SNTG1: variants seen among roughly 807,000 people sequenced by gnomAD.
The protein encoded by SNTG1 is gamma-1-syntrophin.
In SNTG1, 39 loss-of-function variants were observed where a neutral mutation model predicts 74.7. The observed-to-expected ratio is 0.52, with a 90% CI of 0.40 to 0.68. The LOEUF is 0.68. SNTG1 is among the 30% of genes least tolerant of loss of function. The pLI, the probability that SNTG1 is intolerant of heterozygous loss-of-function variation, is 0.00. For synonymous variants in SNTG1, 254 were observed against 217.1 expected (o/e 1.17, Z -1.49); for missense variants, 685 against 609.5 (o/e 1.12, Z -1.30).
intron 1 of SNTG1, among the ~76,000 whole-genome samples, chr8:50,057,710 T>C (rs1820142371): frequency 6.6e-6 from 1 of 152,122 alleles, no homozygotes; most frequent in African/African-American, 2.4e-5. Context: ...CCTCTGTCTT[T>C]AGAGTCTACA....
rs138434958 is a variant in SNTG1 at position 50,247,133 on chromosome 8, C to T, written c.-28+74498C>T. ...CTGATCTTAGTCATTGGTCCTTTTC[C>T]ATTAGGGAACGAACAAGATGAATAT... is the stretch of plus-strand genomic sequence containing the variant. On this transcript the variant is annotated intron_variant, in intron 2 of 18. Coordinates refer to ENST00000642720, the MANE Select transcript of SNTG1 (RefSeq NM_018967.5). Among the ~76,000 whole-genome samples the T allele has an allele frequency of 1.7e-3, 256 of 152,212 alleles. 7 individuals are homozygous for T. Among genetic ancestry groups the T allele is most frequent in the Admixed American group, 0.013 (199 of 15,272 alleles).
intron 13 of SNTG1, among the ~76,000 whole-genome samples, chr8:50,623,695 T>C (rs933995565): frequency 6.6e-6 from 1 of 152,002 alleles, no homozygotes; most frequent in African/African-American, 2.4e-5. Flanking sequence ...AAATATTTGT[T>C]TTTATATATT....
intron 1 of SNTG1, among the ~76,000 whole-genome samples, chr8:49,947,316 T>C (rs1454606419): frequency 6.6e-6 from 1 of 152,068 alleles, no homozygotes; most frequent in Non-Finnish European, 1.5e-5. Flanking sequence ...AAAAGAGTAA[T>C]TTCTGTCCTC....
intron 12 of SNTG1, among the ~76,000 whole-genome samples, chr8:50,569,537 CAAACAAAAAACA>C (rs1206842899): frequency 6.8e-6 from 1 of 146,040 alleles, no homozygotes; most frequent in African/African-American, 2.6e-5. Flanking sequence ...AAACAAAAAA[CAAACAAAAAACA>C]AAAAAAAAAC....
chr8:50,675,504 T>C (rs1411823981), intron 15 of SNTG1, among the ~76,000 whole-genome samples: 1 of 151,900 alleles, frequency 6.6e-6, no homozygotes, highest in African/African-American at 2.4e-5. Context: ...TTTTTCCATC[T>C]CCTTGGTAAA....
At chr8:50,290,706 A>G (rs1237470413) in intron 2 of SNTG1, among the ~76,000 whole-genome samples, 1 of 152,138 alleles carries the variant, frequency 6.6e-6, no homozygotes, top group African/African-American at 2.4e-5. Context: ...TCATATTAAT[A>G]ATAACTGTAC....
chr8:50,463,666 A>G (rs573817086), intron 8 of SNTG1, among the ~76,000 whole-genome samples: 1 of 152,280 alleles, frequency 6.6e-6, no homozygotes, highest in Non-Finnish European at 1.5e-5. Flanking sequence ...TTCCTAGAGT[A>G]CAGGTAGAGT....
At chr8:50,536,019 C>A (rs912243010) in intron 10 of SNTG1, among the ~76,000 whole-genome samples, 1 of 152,028 alleles carries the variant, frequency 6.6e-6, no homozygotes, top group Non-Finnish European at 1.5e-5. Flanking sequence ...ATATTAGTCT[C>A]CTCTATATAT....
chr8:50,295,697 C>CT (rs955268394), intron 2 of SNTG1, among the ~76,000 whole-genome samples: 67 of 152,248 alleles, frequency 4.4e-4, no homozygotes, highest in African/African-American at 1.4e-3. Flanking sequence ...TTTAGTTGTT[C>CT]TTTAACTGCC....
intron 12 of SNTG1, among the ~76,000 whole-genome samples, chr8:50,571,647 T>G (rs1356309380): frequency 6.6e-6 from 1 of 152,142 alleles, no homozygotes; most frequent in Non-Finnish European, 1.5e-5. Context: ...CCTAATCAAT[T>G]GTTAACATGT....
At chr8:50,428,996 C>T (rs747110710) in intron 4 of SNTG1, among the ~76,000 whole-genome samples, 1 of 151,722 alleles carries the variant, frequency 6.6e-6, no homozygotes, top group Non-Finnish European at 1.5e-5. Flanking sequence ...TAAACAGAGC[C>T]TAAATAAATG....
At chr8:49,976,301 G>T (rs1347151775) in intron 1 of SNTG1, among the ~76,000 whole-genome samples, 1 of 152,188 alleles carries the variant, frequency 6.6e-6, no homozygotes, top group East Asian at 1.9e-4. Context: ...AATTATATTA[G>T]TTAAGTGCCT....
intron 1 of SNTG1, among the ~76,000 whole-genome samples, chr8:50,138,754 G>A (rs1310051967): frequency 6.6e-6 from 1 of 151,560 alleles, no homozygotes; most frequent in African/African-American, 2.4e-5. Context: ...AGGCAGTTGT[G>A]TTTTTTCCCA....
At chr8:50,358,622 T>C (rs903094709) in intron 2 of SNTG1, among the ~76,000 whole-genome samples, 24 of 152,348 alleles carry the variant, frequency 1.6e-4, no homozygotes, top group African/African-American at 5.5e-4. Context: ...TCAAGAAGTG[T>C]CTAATGATTA....
chr8:50,183,958 C>T (rs959133245), intron 2 of SNTG1, among the ~76,000 whole-genome samples: 7 of 152,134 alleles, frequency 4.6e-5, no homozygotes, highest in African/African-American at 9.7e-5. Flanking sequence ...CATTTATTCC[C>T]GTATCCCTTC....
intron 17 of SNTG1, among the ~76,000 whole-genome samples, chr8:50,711,998 A>T (rs1452403780): frequency 6.6e-6 from 1 of 152,256 alleles, no homozygotes; most frequent in African/African-American, 2.4e-5. Flanking sequence ...ATATTCTTTT[A>T]AAAATGTATA....
intron 1 of SNTG1, among the ~76,000 whole-genome samples, chr8:50,027,675 G>T (rs988558270): frequency 2.0e-5 from 3 of 152,114 alleles, no homozygotes; most frequent in African/African-American, 7.2e-5. Flanking sequence ...TAGACTTTTA[G>T]CCTTCCTTAC....
In SNTG1 at chr8:50,711,647, TTCTCA is replaced by T. The variant is rs558435356; in HGVS notation, c.1284+2671_1284+2675del. On this transcript the variant is annotated intron_variant, in intron 17 of 18. Transcript: ENST00000642720. ...GGGATGTCTGGGAATGTCGAGCTAA[TTCTCA>T]TTACTTACCACCTGTGCTTGGAAGT... 3.0e-3 allele frequency among the ~76,000 whole-genome samples: 450 copies of T among 152,306 alleles called. 3 individuals are homozygous for T. Among genetic ancestry groups the T allele is most frequent in the African/African-American group, 0.01 (435 of 41,580 alleles).
chr8:49,978,265 C>T (rs1008281256), intron 1 of SNTG1, among the ~76,000 whole-genome samples: 1 of 149,600 alleles, frequency 6.7e-6, no homozygotes, highest in African/African-American at 2.5e-5. Flanking sequence ...GAGAGAGAGA[C>T]AGAAGGAGAC....
Sources: allele counts gnomAD v4.1 joint callset (sites outside exome capture counted in the v4.1 genomes callset), GRCh38; gene constraint gnomAD v4.1.1; transcripts MANE v1.5; gene names NCBI Gene and HGNC (gene_info 2026-07-23, HGNC 2026-07-21).